The following KALRN variants were observed in gnomAD, a reference collection of about 807,000 sequenced individuals.
KALRN encodes kalirin RhoGEF kinase.
A neutral mutation model predicts 353.7 loss-of-function variants in KALRN; 70 were observed. That is an observed-to-expected ratio of 0.20 (90% confidence interval 0.16 to 0.24). The LOEUF is 0.24. KALRN is among the 10% of genes least tolerant of loss of function. The probability of loss-of-function intolerance (pLI) is 1.00; values close to 1 mark genes in which losing one functional copy is unlikely to be tolerated. For missense variants in KALRN, 2,791 were observed against 3,756.7 expected (o/e 0.74, Z 6.72); for synonymous variants, 1,391 against 1,434.8 (o/e 0.97, Z 0.69).
chr3:124,434,175 CA>C (rs1394241300), intron 16 of KALRN, 131 bp from the exon 17 acceptor site: 5 of 625,030 alleles, frequency 8.0e-6, no homozygotes, highest in African/African-American at 3.7e-5. Flanking sequence ...TATTAATGGT[CA>C]TGACAAAATG....
At chr3:124,558,538 C>T (rs997352104) in intron 33 of KALRN, among the ~76,000 whole-genome samples, 3 of 152,204 alleles carry the variant, frequency 2.0e-5, no homozygotes, top group Non-Finnish European at 2.9e-5. Context: ...CTCGGCCTCC[C>T]GAAATGCTGG....
At chr3:124,473,238 C>A (rs915566334) in intron 25 of KALRN, among the ~76,000 whole-genome samples, 1 of 152,204 alleles carries the variant, frequency 6.6e-6, no homozygotes, top group Non-Finnish European at 1.5e-5. Flanking sequence ...ACAATAGAAG[C>A]TAGGTAAAGT....
chr3:124,234,810 C>A lies in KALRN; in HGVS notation c.149-19C>A, dbSNP rs1288780381. The A allele has an allele frequency of 2.6e-6, 4 of 1,557,320 alleles. No homozygotes were observed. The African/African-American group carries it at 4.1e-5, about 16-fold the overall frequency. ...CTGACTGGTTTTCTTAAACACTCTT[C>A]TCTTCCTCCTTCTTGCAGGGGGTCG... On this transcript the variant is annotated intron_variant, in intron 2 of 59. Transcript: ENST00000682506.
intron 1 of KALRN, among the ~76,000 whole-genome samples, chr3:124,092,525 T>C (rs1170263956): frequency 5.3e-5 from 8 of 152,262 alleles, no homozygotes; most frequent in Non-Finnish European, 8.8e-5. Flanking sequence ...CCACTCAACC[T>C]GTGCCCATGG....
chr3:124,679,934 C>T lies in KALRN; in HGVS notation c.7377+417C>T, dbSNP rs143376657. On this transcript the variant is annotated intron_variant, in intron 51 of 59. Transcript: ENST00000682506. ...CTCCCGCTTTTGTTTTCCCCTCCTC[C>T]GCTTCTTTTTCTTTAGCCCTTTATC... 2.7e-3 allele frequency among the ~76,000 whole-genome samples: 409 copies of T among 152,294 alleles called. 1 individual carries two copies. Among genetic ancestry groups the T allele is most frequent in the African/African-American group, 9.2e-3 (384 of 41,564 alleles).
rs2087980308 is a variant in KALRN, at chr3:124,384,949, G to A, written c.1875G>A (p.Glu625=). The change falls in exon 11 of 60, where the codon GAG becomes GAA. Residue 625 remains glutamate, a synonymous_variant. Coordinates refer to ENST00000682506, the MANE Select transcript of KALRN (RefSeq NM_001388419.1). ...EEIYKAARHL[E]VRIQDFVRRV... is the part of the protein sequence containing the mutation. ...TCTACAAGGCAGCTCGACACCTGGA[G>A]GTGCGCATCCAAGACTTCGTGCGCA... is the stretch of plus-strand genomic sequence containing the variant. 6.2e-7 allele frequency: 1 copy of A among 1,614,008 alleles called. No individual in the cohort carries two copies. The highest frequency in any genetic ancestry group is 1.3e-5 in the African/African-American group (1 of 74,956).
At chr3:124,495,359 T>C (rs1243835358) in intron 32 of KALRN, among the ~76,000 whole-genome samples, 2 of 152,182 alleles carry the variant, frequency 1.3e-5, no homozygotes, top group African/African-American at 2.4e-5. Flanking sequence ...GAAGGTCTAA[T>C]ATCAGGAATT....
At chr3:124,335,154 TG>T (rs1553918120) in intron 9 of KALRN, among the ~76,000 whole-genome samples, 1 of 151,452 alleles carries the variant, frequency 6.6e-6, no homozygotes, top group Non-Finnish European at 1.5e-5. Flanking sequence ...AGCTTGGGGG[TG>T]GGGGGTTATC....
In KALRN at chr3:124,269,258, A is replaced by G. The variant is rs2073892368; in HGVS notation, c.969+3A>G. The G allele has an allele frequency of 1.3e-6, 2 of 1,591,372 alleles. No individual in the cohort carries two copies. The highest frequency in any genetic ancestry group is 1.3e-5 in the African/African-American group (1 of 74,680). On this transcript the variant is annotated splice_donor_region_variant and intron_variant, in intron 5 of 59. Transcript: ENST00000682506. ...TCTTCGAGCAGGATGCTGAGAAGGT[A>G]GGAAGGGAACAGGCCAAACCTGAGC...
intron 1 of KALRN, among the ~76,000 whole-genome samples, chr3:124,109,437 A>G (rs1355798703): frequency 6.6e-6 from 1 of 151,942 alleles, no homozygotes; most frequent in Non-Finnish European, 1.5e-5. Context: ...TCCCTTCCCT[A>G]TTTAATTATT....
chr3:124,286,107 CTT>C (rs1491502185), intron 5 of KALRN, among the ~76,000 whole-genome samples: 176 of 145,994 alleles, frequency 1.2e-3, no homozygotes, highest in African/African-American at 4.2e-3. Flanking sequence ...TTCTTTCTTT[CTT>C]TCTTTCTTTC....
At chr3:124,280,979 G>A (rs1205912993) in intron 5 of KALRN, among the ~76,000 whole-genome samples, 1 of 151,838 alleles carries the variant, frequency 6.6e-6, no homozygotes, top group Non-Finnish European at 1.5e-5. Flanking sequence ...GGAAACCTGT[G>A]GTAAAACAAC....
chr3:124,633,637 GTGTGT>G (rs371540464), intron 35 of KALRN, among the ~76,000 whole-genome samples: 2 of 63,454 alleles, frequency 3.2e-5, no homozygotes, highest in East Asian at 9.5e-4. Context: ...CTTTTTGGGG[GTGTGT>G]GTGTGTGTGT....
At chr3:124,356,718 T>C (rs965633422) in intron 10 of KALRN, among the ~76,000 whole-genome samples, 4 of 152,176 alleles carry the variant, frequency 2.6e-5, no homozygotes, top group African/African-American at 9.7e-5. Flanking sequence ...TTCCAAGCCT[T>C]CCTTGACATC....
At chr3:124,208,446 T>A (rs1028757085) in intron 1 of KALRN, among the ~76,000 whole-genome samples, 1 of 152,168 alleles carries the variant, frequency 6.6e-6, no homozygotes, top group African/African-American at 2.4e-5. Context: ...TTGTATATAC[T>A]TTTTTGTATA....
intron 53 of KALRN, among the ~76,000 whole-genome samples, 161 bp from the exon 54 acceptor site, chr3:124,695,973 G>T: frequency 6.6e-6 from 1 of 152,160 alleles, no homozygotes. Flanking sequence ...AGGAACTGGG[G>T]ATGTAGAGAA....
intron 1 of KALRN, among the ~76,000 whole-genome samples, chr3:124,066,673 T>G (rs1008786458): frequency 5.9e-5 from 9 of 152,180 alleles, no homozygotes; most frequent in Non-Finnish European, 8.8e-5. Flanking sequence ...TCTTCTTATC[T>G]CCTGCCACAG....
rs369519203 is a variant in KALRN, at chr3:124,430,811, G to A, written c.2829+36G>A. On this transcript the variant is annotated intron_variant, in intron 16 of 59. Transcript: ENST00000682506. Reference sequence around the variant, plus strand: ...AATCTGGCTGCACTGTCCTCCCTTCGCCTTTCTGCTCTGTACCTCAGGCAG... The same window carrying A: ...AATCTGGCTGCACTGTCCTCCCTTCACCTTTCTGCTCTGTACCTCAGGCAG... 63 of 1,600,724 alleles carry A rather than the reference G, an allele frequency of 3.9e-5. No individual in the cohort carries two copies. The African/African-American group carries it at 4.5e-4, about 12-fold the overall frequency.
At chr3:124,347,077 C>T in intron 9 of KALRN, 66 bp from the exon 10 acceptor site, 1 of 1,607,342 alleles carries the variant, frequency 6.2e-7, no homozygotes, top group Non-Finnish European at 8.5e-7. Context: ...CTAGCAGTTG[C>T]ACATGTTGTC....
Sources: gnomAD v4.1 joint callset for allele counts (sites outside exome capture counted in the v4.1 genomes callset) on GRCh38, gnomAD v4.1.1 for gene constraint, MANE v1.5 for transcripts, NCBI Gene and HGNC (gene_info 2026-07-23, HGNC 2026-07-21) for gene names.